FGF14: variants seen among roughly 807,000 people sequenced by gnomAD.
FGF14 encodes fibroblast growth factor 14, also known as fibroblast growth factor homologous factor 4.
Under a neutral mutation model 25.5 loss-of-function variants are expected in FGF14, and 5 were observed. That is an observed-to-expected ratio of 0.20 (90% CI 0.10 to 0.41). The LOEUF (loss-of-function observed/expected upper bound fraction) is 0.41. Among genes scored for constraint, FGF14 ranks in the 10% least tolerant of loss-of-function variants. The pLI is 1.00. For synonymous variants in FGF14, 138 were observed against 118.3 expected, an observed-to-expected ratio of 1.17 and a Z score of -1.08; for missense variants, 222 against 320.1, an observed-to-expected ratio of 0.69 and a Z score of 2.34.
intron 1 of FGF14, among the ~76,000 whole-genome samples, chr13:101,900,466 C>T (rs150337669): frequency 1.4e-3 from 215 of 152,098 alleles, no homozygotes; most frequent in African/African-American, 4.8e-3. Flanking sequence ...AGGTACAAGT[C>T]GTCAATCTCA....
intron 1 of FGF14, among the ~76,000 whole-genome samples, chr13:101,937,697 C>T (rs766281792): frequency 3.1e-4 from 47 of 152,240 alleles, no homozygotes; most frequent in Non-Finnish European, 5.9e-4. Flanking sequence ...CGGATTCAAG[C>T]GATTTGATTC....
At chr13:102,165,593 C>A (rs889600769) in intron 1 of FGF14, among the ~76,000 whole-genome samples, 1 of 140,176 alleles carries the variant, frequency 7.1e-6, no homozygotes, top group Admixed American at 8.0e-5. Flanking sequence ...CGAATTCTCA[C>A]TCATAGGTGG....
At chr13:102,071,198 C>T (rs1460018848) in intron 1 of FGF14, among the ~76,000 whole-genome samples, 1 of 152,150 alleles carries the variant, frequency 6.6e-6, no homozygotes, top group African/African-American at 2.4e-5. Flanking sequence ...AGTGTGTGCA[C>T]ATCGTGGGTG....
At chr13:102,317,911 A>G (rs2056095983) in intron 1 of FGF14, among the ~76,000 whole-genome samples, 1 of 152,222 alleles carries the variant, frequency 6.6e-6, no homozygotes, top group Non-Finnish European at 1.5e-5. Context: ...TGCCCTATTT[A>G]GAGTCCAGCT....
At chr13:101,812,970 ACT>A (rs968800494) in intron 3 of FGF14, among the ~76,000 whole-genome samples, 37 of 151,808 alleles carry the variant, frequency 2.4e-4, no homozygotes, top group African/African-American at 8.7e-4. Context: ...CCCAGCTAAA[ACT>A]CTCTTTCAAT....
At chr13:101,992,695 G>A (rs1161251648) in intron 1 of FGF14, among the ~76,000 whole-genome samples, 2 of 151,996 alleles carry the variant, frequency 1.3e-5, no homozygotes, top group Non-Finnish European at 2.9e-5. Context: ...TGACAGAGAT[G>A]AAGAATTTAT....
At chr13:102,232,638 T>A (rs1361342153) in intron 1 of FGF14, among the ~76,000 whole-genome samples, 3 of 152,206 alleles carry the variant, frequency 2.0e-5, no homozygotes, top group Non-Finnish European at 2.9e-5. Flanking sequence ...GCAATTATGA[T>A]CTTCTCTTGA....
chr13:101,959,734 T>G (rs1319868809), intron 1 of FGF14, among the ~76,000 whole-genome samples: 1 of 152,212 alleles, frequency 6.6e-6, no homozygotes, highest in Non-Finnish European at 1.5e-5. Flanking sequence ...ATTTGACATT[T>G]ACTTTATTTG....
chr13:101,862,405 A>G (rs1383662302), intron 3 of FGF14, among the ~76,000 whole-genome samples: 1 of 151,584 alleles, frequency 6.6e-6, no homozygotes, highest in Non-Finnish European at 1.5e-5. Context: ...ATCCACTCCA[A>G]TGTCTCTCTT....
At chr13:102,005,627 T>C (rs1454956517) in intron 1 of FGF14, among the ~76,000 whole-genome samples, 1 of 152,208 alleles carries the variant, frequency 6.6e-6, no homozygotes, top group Admixed American at 6.5e-5. Flanking sequence ...GGACATTAGA[T>C]GACACGTTTT....
At chr13:101,820,439 C>G (rs10508077) in intron 3 of FGF14, among the ~76,000 whole-genome samples, 7,606 of 152,014 alleles carry the variant, frequency 0.05, 639 homozygotes, top group African/African-American at 0.17. Flanking sequence ...ATGAACATAT[C>G]CAAGATGAAG....
chr13:102,047,072 T>C (rs1452878451), intron 1 of FGF14, among the ~76,000 whole-genome samples: 1 of 152,188 alleles, frequency 6.6e-6, no homozygotes, highest in African/African-American at 2.4e-5. Context: ...TGGCGAAGTA[T>C]ACTCCAAATG....
At chr13:102,047,434 G>T (rs1716244310) in intron 1 of FGF14, among the ~76,000 whole-genome samples, 1 of 152,072 alleles carries the variant, frequency 6.6e-6, no homozygotes, top group African/African-American at 2.4e-5. Flanking sequence ...GACAAAATAA[G>T]GATTGAAATG....
intron 3 of FGF14, among the ~76,000 whole-genome samples, chr13:101,730,222 G>A (rs72660303): frequency 0.11 from 17,279 of 152,202 alleles, 1,353 homozygotes; most frequent in Admixed American, 0.23. Context: ...GGATGGTTTC[G>A]AAAAGTTAAG....
chr13:102,148,110 T>C (rs963826684), intron 1 of FGF14, among the ~76,000 whole-genome samples: 1 of 152,142 alleles, frequency 6.6e-6, no homozygotes, highest in Non-Finnish European at 1.5e-5. Flanking sequence ...CAACGGTCCC[T>C]GCATCGAAAA....
At chr13:102,216,239 G>A (rs74882956) in intron 1 of FGF14, among the ~76,000 whole-genome samples, 7,229 of 152,240 alleles carry the variant, frequency 0.047, 238 homozygotes, top group Middle Eastern at 0.092. Context: ...AGATAACACA[G>A]GATGAGGTTT....
intron 1 of FGF14, among the ~76,000 whole-genome samples, chr13:102,047,518 C>T (rs750460866): frequency 5.3e-5 from 8 of 152,182 alleles, no homozygotes; most frequent in Middle Eastern, 6.8e-3. Context: ...GATGAGTTCA[C>T]GTCCTTTGCA....
At chr13:102,008,221 C>T (rs2039905203) in intron 1 of FGF14, among the ~76,000 whole-genome samples, 1 of 152,184 alleles carries the variant, frequency 6.6e-6, no homozygotes, top group African/African-American at 2.4e-5. Flanking sequence ...TAGAGACTGG[C>T]ACAAATCTTT....
intron 1 of FGF14, among the ~76,000 whole-genome samples, chr13:102,224,414 T>TG (rs1278119468): frequency 6.6e-6 from 1 of 152,160 alleles, no homozygotes; most frequent in Non-Finnish European, 1.5e-5. Context: ...TAAAACCGTG[T>TG]GCTCAGGGTT....
Sources: gnomAD v4.1 joint callset for allele counts (sites outside exome capture counted in the v4.1 genomes callset) on GRCh38, gnomAD v4.1.1 for gene constraint, MANE v1.5 for transcripts, NCBI Gene and HGNC (gene_info 2026-07-23, HGNC 2026-07-21) for gene names.